PLD5: variants seen among roughly 807,000 people sequenced by gnomAD.
The protein encoded by PLD5 is phospholipase D family member 5.
PLD5 carries 36 observed loss-of-function variants against 61.1 expected under a neutral mutation model. The observed-to-expected ratio is 0.59, with a 90% CI of 0.45 to 0.78. The LOEUF (loss-of-function observed/expected upper bound fraction) is 0.78, where lower values mean the gene tolerates loss of function less well. Ranked by LOEUF, PLD5 falls within the 30% of genes least tolerant of loss-of-function variation. The pLI is 0.00. For missense variants in PLD5, 515 were observed against 644.4 expected, an observed-to-expected ratio of 0.80 and a Z score of 2.17; for synonymous variants, 243 against 242.8, an observed-to-expected ratio of 1.00 and a Z score of -0.01.
intron 7 of PLD5, among the ~76,000 whole-genome samples, chr1:242,110,691 G>A (rs12133251): frequency 2.4e-4 from 37 of 151,760 alleles, no homozygotes; most frequent in Non-Finnish European, 4.9e-4. Flanking sequence ...GTGCCTGCAG[G>A]CCCAGATACT....
At chr1:242,448,083 GTTTA>G (rs1169168981) in intron 1 of PLD5, among the ~76,000 whole-genome samples, 1 of 152,172 alleles carries the variant, frequency 6.6e-6, no homozygotes, top group African/African-American at 2.4e-5. Context: ...AGGAGAAACA[GTTTA>G]TTTTGACTTC....
intron 5 of PLD5, among the ~76,000 whole-genome samples, chr1:242,168,049 AAAAC>A (rs1342889265): frequency 2.0e-5 from 3 of 152,244 alleles, no homozygotes; most frequent in Admixed American, 6.5e-5. Flanking sequence ...AGCATTTACA[AAAAC>A]AAACACCTAG....
chr1:242,363,425 C>G (rs1400566883), intron 1 of PLD5, among the ~76,000 whole-genome samples: 1 of 148,678 alleles, frequency 6.7e-6, no homozygotes, highest in Non-Finnish European at 1.5e-5. Context: ...GCACTCCAGC[C>G]TGGGCAACAT....
At chr1:242,373,139 T>A (rs1205791994) in intron 1 of PLD5, among the ~76,000 whole-genome samples, 1 of 151,938 alleles carries the variant, frequency 6.6e-6, no homozygotes, top group South Asian at 2.1e-4. Flanking sequence ...GAAGGACAGT[T>A]TTTGATGAAC....
intron 4 of PLD5, among the ~76,000 whole-genome samples, chr1:242,222,063 A>C (rs10926659): frequency 6.6e-6 from 1 of 151,822 alleles, no homozygotes; most frequent in South Asian, 2.1e-4. Context: ...TTCATCTCTG[A>C]GGTTTCTCGG....
At chr1:242,295,913 TATG>T (rs1675625955) in intron 2 of PLD5, among the ~76,000 whole-genome samples, 1 of 152,242 alleles carries the variant, frequency 6.6e-6, no homozygotes, top group South Asian at 2.1e-4. Flanking sequence ...TTTTATAAAA[TATG>T]ATACTTTCAT....
chr1:242,361,080 A>G (rs769672044), intron 1 of PLD5, among the ~76,000 whole-genome samples: 23 of 152,256 alleles, frequency 1.5e-4, no homozygotes, highest in Non-Finnish European at 1.6e-4. Context: ...GCTGTAATAA[A>G]TAACAATAAA....
At chr1:242,340,607 G>A (rs891591022) in intron 2 of PLD5, among the ~76,000 whole-genome samples, 1 of 151,976 alleles carries the variant, frequency 6.6e-6, no homozygotes, top group Non-Finnish European at 1.5e-5. Context: ...AGATGCTATT[G>A]TATCAAAGGT....
chr1:242,442,319 A>T (rs1282870634), intron 1 of PLD5, among the ~76,000 whole-genome samples: 1 of 152,208 alleles, frequency 6.6e-6, no homozygotes, highest in Non-Finnish European at 1.5e-5. Context: ...AAGTTCTAAA[A>T]CATCTCTCAA....
intron 1 of PLD5, among the ~76,000 whole-genome samples, chr1:242,486,872 T>C (rs1483453033): frequency 2.6e-5 from 4 of 151,620 alleles, no homozygotes; most frequent in Admixed American, 6.6e-5. Flanking sequence ...CATGGAATAC[T>C]ATGCAGCCAT....
In PLD5 at chr1:242,215,613, C is replaced by T. The variant is rs79222876; in HGVS notation, c.735+4375G>A. Among the ~76,000 whole-genome samples, 697 of 152,260 alleles carry T rather than the reference C, an allele frequency of 4.6e-3. 6 individuals carry two copies. Among genetic ancestry groups the T allele is most frequent in the African/African-American group, 0.016 (665 of 41,542 alleles). Reference sequence around the variant, plus strand: ...ACATGGGGAAGAAGGTATGCTTCCACACCCCCTCGGGTCCTCTTTGGATTC... The same window carrying T: ...ACATGGGGAAGAAGGTATGCTTCCATACCCCCTCGGGTCCTCTTTGGATTC... On this transcript the variant is annotated intron_variant, in intron 5 of 9. Transcript: ENST00000536534.
chr1:242,251,163 A>T (rs1211061436), intron 4 of PLD5, among the ~76,000 whole-genome samples: 3 of 152,198 alleles, frequency 2.0e-5, no homozygotes, highest in Non-Finnish European at 4.4e-5. Context: ...GCAGTTGAAT[A>T]TTTGTGCCTG....
At chr1:242,481,398 C>G (rs1374565285) in intron 1 of PLD5, among the ~76,000 whole-genome samples, 5 of 152,244 alleles carry the variant, frequency 3.3e-5, no homozygotes, top group Non-Finnish European at 7.3e-5. Flanking sequence ...GCAAACGGCA[C>G]ACCAGGAGAT....
intron 3 of PLD5, among the ~76,000 whole-genome samples, chr1:242,278,148 T>C (rs1445899539): frequency 1.3e-5 from 2 of 151,746 alleles, no homozygotes; most frequent in African/African-American, 4.8e-5. Flanking sequence ...TTTTTGATCG[T>C]GAGAGGTTCT....
intron 2 of PLD5, among the ~76,000 whole-genome samples, chr1:242,319,032 T>C (rs960080125): frequency 6.6e-6 from 1 of 152,050 alleles, no homozygotes; most frequent in Non-Finnish European, 1.5e-5. Context: ...ATGAGCAGAA[T>C]TGGGGCAGGA....
At chr1:242,222,811 C>G (rs895464142) in intron 4 of PLD5, among the ~76,000 whole-genome samples, 1 of 152,228 alleles carries the variant, frequency 6.6e-6, no homozygotes, top group Non-Finnish European at 1.5e-5. Context: ...GTGTGTAACC[C>G]TCCAGCCAGA....
intron 5 of PLD5, among the ~76,000 whole-genome samples, chr1:242,211,822 A>T (rs6681960): frequency 0.48 from 73,196 of 152,052 alleles, 18,947 homozygotes; most frequent in East Asian, 0.76. Flanking sequence ...GTTTCATCAC[A>T]GGACAACAGT....
At chr1:242,498,627 TC>T in intron 1 of PLD5, among the ~76,000 whole-genome samples, 2 of 152,344 alleles carry the variant, frequency 1.3e-5, no homozygotes, top group Middle Eastern at 6.8e-3. Flanking sequence ...ATTTATGTTT[TC>T]TATTAAAACT....
At chr1:242,120,013 G>T (rs562873903) in intron 6 of PLD5, among the ~76,000 whole-genome samples, 3 of 152,286 alleles carry the variant, frequency 2.0e-5, no homozygotes, top group Non-Finnish European at 4.4e-5. Flanking sequence ...GGCAGTATTG[G>T]TCCATGCTAC....
Sources: gnomAD v4.1 joint callset for allele counts (sites outside exome capture counted in the v4.1 genomes callset) on GRCh38, gnomAD v4.1.1 for gene constraint, MANE v1.5 for transcripts, NCBI Gene and HGNC (gene_info 2026-07-23, HGNC 2026-07-21) for gene names.